The following DLGAP1 variants were observed in gnomAD, a reference collection of about 807,000 sequenced individuals.
DLGAP1 encodes DLG associated protein 1.
In DLGAP1, 11 loss-of-function variants were observed where a neutral mutation model predicts 90.8. The observed-to-expected ratio is 0.12, with a 90% confidence interval of 0.08 to 0.20. The LOEUF is 0.20. DLGAP1 is among the 10% of genes least tolerant of loss of function. DLGAP1 has a pLI of 1.00. For missense variants in DLGAP1, 1,050 were observed against 1,333.8 expected, an observed-to-expected ratio of 0.79 and a Z score of 3.31; for synonymous variants, 558 against 540.7, an observed-to-expected ratio of 1.03 and a Z score of -0.44.
At position 3,879,972 on chromosome 18, in the gene DLGAP1, G is replaced by C. The variant is rs1490008601; in HGVS notation, c.97C>G (p.Leu33Val). The C allele has an allele frequency of 6.2e-7, 1 of 1,612,680 alleles. No homozygotes were observed. The highest frequency in any genetic ancestry group is 8.5e-7 in the Non-Finnish European group (1 of 1,179,976). Residue 33 changes from leucine (L) to valine (V), a missense_variant, in exon 4 of 13, where the codon CTG (leucine) becomes GTG (valine). By Grantham distance (32) the Leu-to-Val change is conservative. Transcript: ENST00000315677. This position sits in a 1 kb window ranked among gnomAD's most constrained non-coding sequence, Gnocchi z 6.6. ...LSHHSDRKPYLLSPVEHHPAD... is the reference protein window; with the variant it reads ...LSHHSDRKPYVLSPVEHHPAD... ...GGGTGGTGCTCCACTGGGCTCAGCA[G>C]GTAGGGCTTGCGGTCGGAGTGGTGC...
chr18:4,119,656 A>G (rs1380331686), intron 2 of DLGAP1, among the ~76,000 whole-genome samples: 1 of 152,090 alleles, frequency 6.6e-6, no homozygotes, highest in African/African-American at 2.4e-5. Context: ...CAGACTTCCA[A>G]CTCTTCCAAG....
chr18:3,848,267 T>C (rs1764882245), intron 4 of DLGAP1, among the ~76,000 whole-genome samples: 1 of 148,786 alleles, frequency 6.7e-6, no homozygotes, highest in African/African-American at 2.5e-5. Context: ...GAACAGATGA[T>C]AATGAAAGAG....
At chr18:4,213,747 A>G (rs2077894238) in intron 1 of DLGAP1, among the ~76,000 whole-genome samples, 1 of 152,200 alleles carries the variant, frequency 6.6e-6, no homozygotes, top group African/African-American at 2.4e-5. Context: ...AAGTTTTCTG[A>G]GAGTAATAAG....
chr18:3,576,131 C>A (rs1304848281), intron 8 of DLGAP1, among the ~76,000 whole-genome samples: 1 of 152,176 alleles, frequency 6.6e-6, no homozygotes, highest in South Asian at 2.1e-4. Context: ...CCTAGGCCTC[C>A]TTGTCAGCTG....
intron 1 of DLGAP1, among the ~76,000 whole-genome samples, chr18:4,451,886 A>T (rs1190586056): frequency 1.3e-5 from 2 of 152,194 alleles, no homozygotes; most frequent in Non-Finnish European, 2.9e-5. Flanking sequence ...TACCACAGAC[A>T]TAGGCATAGA....
chr18:3,587,748 A>AC (rs1284095307), intron 7 of DLGAP1, among the ~76,000 whole-genome samples: 2 of 152,166 alleles, frequency 1.3e-5, no homozygotes, highest in Non-Finnish European at 2.9e-5. Context: ...AGTCAGCGAG[A>AC]CCACTAACCC....
At chr18:4,022,100 G>A (rs951814261) in intron 2 of DLGAP1, among the ~76,000 whole-genome samples, 5 of 152,154 alleles carry the variant, frequency 3.3e-5, no homozygotes, top group Non-Finnish European at 5.9e-5. Context: ...CTCAAACAGA[G>A]TTGGTGTTTT....
intron 5 of DLGAP1, among the ~76,000 whole-genome samples, chr18:3,763,821 C>T (rs1329057512): frequency 6.7e-6 from 1 of 149,816 alleles, no homozygotes; most frequent in Non-Finnish European, 1.5e-5. Context: ...ACCACCATGC[C>T]TGGCTAATTT....
At chr18:4,239,725 C>T (rs1365587791) in intron 1 of DLGAP1, among the ~76,000 whole-genome samples, 1 of 152,140 alleles carries the variant, frequency 6.6e-6, no homozygotes, top group Non-Finnish European at 1.5e-5. Flanking sequence ...TCAAACTATA[C>T]AGGCCTCCTT....
chr18:4,312,202 A>T (rs2080418674), intron 1 of DLGAP1, among the ~76,000 whole-genome samples: 1 of 152,224 alleles, frequency 6.6e-6, no homozygotes, highest in Non-Finnish European at 1.5e-5. Flanking sequence ...CAGTAATAAG[A>T]GTTTGCCACG....
chr18:3,894,301 C>G (rs2071558574), intron 3 of DLGAP1, among the ~76,000 whole-genome samples: 1 of 152,098 alleles, frequency 6.6e-6, no homozygotes, highest in South Asian at 2.1e-4. Context: ...GGCCAACATC[C>G]AGAAGTTTTT....
At chr18:3,659,352 A>C (rs866917313) in intron 7 of DLGAP1, among the ~76,000 whole-genome samples, 2 of 150,930 alleles carry the variant, frequency 1.3e-5, no homozygotes, top group South Asian at 2.1e-4. Context: ...GCTGACATTG[A>C]CATTGCCTGG....
intron 2 of DLGAP1, among the ~76,000 whole-genome samples, chr18:4,045,461 A>AAAAAAAAAAAAAAAAAAAAAAT (rs2075037965): frequency 7.0e-6 from 1 of 142,496 alleles, no homozygotes; most frequent in Non-Finnish European, 1.5e-5. Flanking sequence ...AAAAAAAAAA[A>AAAAAAAAAAAAAAAAAAAAAAT]AAAAGCTTGC....
intron 10 of DLGAP1, among the ~76,000 whole-genome samples, chr18:3,520,356 C>T (rs1307990474): frequency 1.3e-5 from 2 of 152,168 alleles, no homozygotes. Flanking sequence ...GGGGCAACTC[C>T]TCCCAACCTC....
chr18:3,507,042 G>T (rs1383827463), intron 11 of DLGAP1, among the ~76,000 whole-genome samples: 2 of 152,080 alleles, frequency 1.3e-5, no homozygotes, highest in African/African-American at 4.8e-5. Context: ...GGGGGTGGGA[G>T]GGTGTGCGAA....
chr18:4,099,399 G>C (rs1170566343), intron 2 of DLGAP1, among the ~76,000 whole-genome samples: 1 of 151,912 alleles, frequency 6.6e-6, no homozygotes, highest in African/African-American at 2.4e-5. Flanking sequence ...GTGCGGGTTT[G>C]GTTCTGGACC....
intron 5 of DLGAP1, among the ~76,000 whole-genome samples, chr18:3,774,955 C>A (rs1260130494): frequency 6.6e-6 from 1 of 152,184 alleles, no homozygotes; most frequent in East Asian, 1.9e-4. Context: ...CTGTCCCTTT[C>A]CTGCGTTTTC....
chr18:3,857,033 T>C (rs2069693616), intron 4 of DLGAP1, among the ~76,000 whole-genome samples: 1 of 152,164 alleles, frequency 6.6e-6, no homozygotes, highest in Non-Finnish European at 1.5e-5. Context: ...GACTTCAGTA[T>C]GTAGTATGAA....
At chr18:4,288,783 T>A (rs1055056063) in intron 1 of DLGAP1, among the ~76,000 whole-genome samples, 26 of 152,224 alleles carry the variant, frequency 1.7e-4, no homozygotes, top group African/African-American at 5.8e-4. Context: ...TCCGACTAAG[T>A]GGAAAAATAA....
Sources: gnomAD v4.1 joint callset for allele counts (sites outside exome capture counted in the v4.1 genomes callset) on GRCh38, gnomAD v4.1.1 for gene constraint, Gnocchi (gnomAD v3.1) non-coding constraint, MANE v1.5 for transcripts, NCBI Gene and HGNC (gene_info 2026-07-23, HGNC 2026-07-21) for gene names.